Variants in SELP observed in about 807,000 individuals in gnomAD.
SELP encodes selectin P.
In SELP, 92 loss-of-function variants were observed where a neutral mutation model predicts 104.1. The observed-to-expected ratio is 0.88, with a 90% CI of 0.75 to 1.05. SELP has a LOEUF of 1.05. SELP is among the 50% of genes least tolerant of loss of function. SELP has a pLI of 0.00. For missense variants in SELP, 1,022 were observed against 1,017.3 expected, an observed-to-expected ratio of 1.00 and a Z score of -0.06; for synonymous variants, 397 against 364.5, an observed-to-expected ratio of 1.09 and a Z score of -1.01.
Position 169,611,662 on chromosome 1 carries a change from T to G in SELP, c.977A>C (p.His326Pro). The G allele has an allele frequency of 1.2e-6, 2 of 1,613,960 alleles. No individual in the cohort carries two copies. The highest frequency in any genetic ancestry group is 2.2e-5 in the South Asian group (2 of 91,076). ...APVCKAVQCQ[H>P]LEAPSEGTMD... ...GGTTCCTTCACTGGGGGCTTCCAGG[T>G]GCTGACACTGCACAGCTGGAGAGAA... Residue 326 changes from histidine (H) to proline (P), a missense_variant, in exon 7 of 17, where the codon CAC (histidine) becomes CCC (proline). Coordinates refer to ENST00000263686, the MANE Select transcript of SELP (RefSeq NM_003005.4).
chr1:169,611,096 T>C (rs1353464552), intron 7 of SELP, among the ~76,000 whole-genome samples: 1 of 152,146 alleles, frequency 6.6e-6, no homozygotes, highest in Non-Finnish European at 1.5e-5. Context: ...ACTTTTTCGA[T>C]GCAGTGTTCC....
rs879181764 is a variant in SELP, at chr1:169,603,307, C to CTCTCTCTG, written c.1520-97_1520-96insCAGAGAGA. ...TCTCTCTCTTTCTCCCTCTCTCTCT[C>CTCTCTCTG]TGTGTGTGTGTGTGTGTGTGTGTGT... On this transcript the variant is annotated intron_variant, in intron 9 of 16. Coordinates refer to ENST00000263686, the MANE Select transcript of SELP (RefSeq NM_003005.4). 12 of 605,690 alleles carry CTCTCTCTG rather than the reference C, an allele frequency of 2.0e-5. No individual in the cohort carries two copies. In the African/African-American group the frequency reaches 2.4e-4, roughly 12 times the overall value. The allele number at this position is 605,690 out of a possible 1,614,324, so 37.5% of individuals were successfully genotyped here.
In SELP at chr1:169,623,435, A is replaced by G. The variant is rs151154409; in HGVS notation, c.4-4216T>C. ...CTTTTAAATAAGATTTGGTTTAAAC[A>G]AAATTTCCAAAAAGAGATGTTTCCC... On this transcript the variant is annotated intron_variant, in intron 1 of 16. Transcript: ENST00000263686. Among the ~76,000 whole-genome samples the G allele has an allele frequency of 4.4e-3, 664 of 152,350 alleles. 6 individuals are homozygous for G. The highest frequency in any genetic ancestry group is 0.015 in the African/African-American group (633 of 41,586).
At chr1:169,589,747 G>T (rs1557940522) in intron 16 of SELP, 1 of 159,284 alleles carries the variant, frequency 6.3e-6, no homozygotes. Context: ...TTGGGAGAGG[G>T]ATAGCATCAG....
rs374666837 is a variant in SELP, at chr1:169,606,949, C to A, written c.1519G>T (p.Ala507Ser). Reference sequence around the variant, plus strand: ...GATGTTAGAAAGAATACACTCTTACCTTGGCATTCTGGAGGAACAGAATTC... The same window carrying A: ...GATGTTAGAAAGAATACACTCTTACATTGGCATTCTGGAGGAACAGAATTC... Reference protein sequence around the residue: ...NWNSVPPECQAIPCTPLLSPQ... With the variant: ...NWNSVPPECQSIPCTPLLSPQ... The change falls in exon 9 of 17, where the codon GCC becomes TCC. Residue 507 changes from alanine (A) to serine (S), a missense_variant and splice_region_variant. Physicochemically the swap from Ala to Ser is moderately conservative, Grantham distance 99 (BLOSUM62 1). Coordinates refer to ENST00000263686, the MANE Select transcript of SELP (RefSeq NM_003005.4). The A allele has an allele frequency of 2.5e-6, 4 of 1,612,206 alleles. No homozygotes were observed. The highest frequency in any genetic ancestry group is 3.4e-6 in the Non-Finnish European group (4 of 1,179,080).
At chr1:169,592,535 A>G (rs1185023213) in intron 14 of SELP, among the ~76,000 whole-genome samples, 1 of 152,198 alleles carries the variant, frequency 6.6e-6, no homozygotes, top group Non-Finnish European at 1.5e-5. Flanking sequence ...CCATTAGGTT[A>G]TAAACAAAAC....
chr1:169,629,196 A>G (rs936670488), intron 1 of SELP, among the ~76,000 whole-genome samples: 5 of 152,198 alleles, frequency 3.3e-5, no homozygotes, highest in Non-Finnish European at 5.9e-5. Context: ...ATGCCTAGCT[A>G]TCCTTGGATC....
At chr1:169,602,786 A>G (rs1557952950) in intron 10 of SELP, among the ~76,000 whole-genome samples, 1 of 152,064 alleles carries the variant, frequency 6.6e-6, no homozygotes, top group Admixed American at 6.5e-5. Flanking sequence ...TATTTTTTGT[A>G]TTTTTAGTAG....
chr1:169,617,868 A>C (rs1662903733), intron 2 of SELP, among the ~76,000 whole-genome samples: 1 of 152,176 alleles, frequency 6.6e-6, no homozygotes, highest in Non-Finnish European at 1.5e-5. Flanking sequence ...CTCATTGCCC[A>C]CTGTATGTAC....
intron 14 of SELP, among the ~76,000 whole-genome samples, chr1:169,592,161 A>G (rs942546188): frequency 1.3e-5 from 2 of 152,212 alleles, no homozygotes; most frequent in Non-Finnish European, 2.9e-5. Context: ...TGGTTGAGCA[A>G]GCACACATTT....
chr1:169,609,632 G>C lies in SELP; in HGVS notation c.1205C>G (p.Ser402Cys). 6.2e-7 allele frequency: 1 copy of C among 1,613,964 alleles called. No individual in the cohort carries two copies. Among genetic ancestry groups the C allele is most frequent in the South Asian group, 1.1e-5 (1 of 91,076 alleles). ...GGTGTCATACTGAAACGCTCTCAAG[G>C]ATGGAGAGCAATCCATGCTTCCGTG... is the stretch of plus-strand genomic sequence containing the variant. ...PVHGSMDCSP[S>C]LRAFQYDTNC... The change falls in exon 8 of 17, where the codon TCC becomes TGC. Residue 402 changes from serine (S) to cysteine (C), a missense_variant. Transcript: ENST00000263686.
intron 8 of SELP, among the ~76,000 whole-genome samples, chr1:169,609,283 A>G (rs898508993): frequency 7.9e-5 from 12 of 152,120 alleles, no homozygotes; most frequent in Non-Finnish European, 1.6e-4. Context: ...ATATGTGTCA[A>G]TCAGTGCAAA....
rs1377142062 is a variant in SELP, at chr1:169,603,115, A to T, written c.1616T>A (p.Ile539Asn). The T allele has an allele frequency of 3.7e-6, 6 of 1,614,028 alleles. No homozygotes were observed. Among genetic ancestry groups the T allele is most frequent in the Middle Eastern group, 1.6e-4 (1 of 6,084 alleles). Residue 539 changes from isoleucine (I) to asparagine (N), a missense_variant, in exon 10 of 17, where the codon ATC (isoleucine) becomes AAC (asparagine). Transcript: ENST00000263686. Reference sequence around the variant, plus strand: ...AGACAAAGAATATCCCTCGTCACAGATGAATTGACATGTGGATTTATAACT... The same window carrying T: ...AGACAAAGAATATCCCTCGTCACAGTTGAATTGACATGTGGATTTATAACT... ...SSSYKSTCQF[I>N]CDEGYSLSGP...
intron 1 of SELP, among the ~76,000 whole-genome samples, chr1:169,624,187 G>A (rs1663265748): frequency 6.6e-6 from 1 of 152,128 alleles, no homozygotes; most frequent in Non-Finnish European, 1.5e-5. Flanking sequence ...AACCTGCTTG[G>A]GGTGGGCAGG....
chr1:169,620,181 C>CG (rs1233856083), intron 1 of SELP, among the ~76,000 whole-genome samples: 1 of 152,042 alleles, frequency 6.6e-6, no homozygotes, highest in African/African-American at 2.4e-5. Flanking sequence ...GCACTCTATC[C>CG]GGGGCGACAG....
intron 14 of SELP, 74 bp downstream of exon 14, chr1:169,593,531 A>G: frequency 7.2e-7 from 1 of 1,392,350 alleles, no homozygotes; most frequent in Non-Finnish European, 9.9e-7. Flanking sequence ...TTGCCTCCCC[A>G]CCCTAAATTA....
intron 10 of SELP, among the ~76,000 whole-genome samples, chr1:169,602,295 A>G (rs1661946214): frequency 6.6e-6 from 1 of 152,234 alleles, no homozygotes; most frequent in Non-Finnish European, 1.5e-5. Flanking sequence ...AAGTGCACAC[A>G]TAGTTATGCT....
chr1:169,599,941 A>G (rs1661816698), intron 10 of SELP, among the ~76,000 whole-genome samples: 1 of 152,210 alleles, frequency 6.6e-6, no homozygotes, highest in Non-Finnish European at 1.5e-5. Context: ...TGGTCACCAG[A>G]GGATCAATGA....
At position 169,609,509 on chromosome 1, in the gene SELP, C is replaced by G; in HGVS notation, c.1328G>C (p.Cys443Ser). The change falls in exon 8 of 17, where the codon TGT (cysteine) becomes TCT (serine). Residue 443 changes from cysteine (C) to serine (S), a missense_variant. Physicochemically the swap from Cys to Ser is moderately radical, Grantham distance 112 (BLOSUM62 -1). Coordinates refer to ENST00000263686, the MANE Select transcript of SELP (RefSeq NM_003005.4). ...CATTACCACTGTTACAGTACCTTGA[C>G]AGACTGGGGCTGGTGCTGTCCACTG... ...LGQWTAPAPV[C>S]QALQCQDLPV... is the part of the protein sequence containing the mutation. The G allele has an allele frequency of 6.2e-7, 1 of 1,611,988 alleles. No individual in the cohort carries two copies. The highest frequency in any genetic ancestry group is 8.5e-7 in the Non-Finnish European group (1 of 1,178,894).
Sources: allele counts gnomAD v4.1 joint callset (sites outside exome capture counted in the v4.1 genomes callset), GRCh38; gene constraint gnomAD v4.1.1; transcripts MANE v1.5; gene names NCBI Gene and HGNC (gene_info 2026-07-23, HGNC 2026-07-21).